CNTN4: variants seen among roughly 807,000 people sequenced by gnomAD.
CNTN4 encodes contactin-4.
A neutral mutation model predicts 122.5 loss-of-function variants in CNTN4; 77 were observed. The observed-to-expected ratio is 0.63, with a 90% CI of 0.52 to 0.76. The LOEUF (loss-of-function observed/expected upper bound fraction) is 0.76. Among genes scored for constraint, CNTN4 ranks in the 30% least tolerant of loss-of-function variants. The pLI, the probability that CNTN4 is intolerant of heterozygous loss-of-function variation, is 0.00. For missense variants in CNTN4, 1,256 were observed against 1,259.1 expected (o/e 1.00, Z 0.04); for synonymous variants, 512 against 447.0 (o/e 1.15, Z -1.83).
At chr3:2,594,416 C>CTT (rs36010353) in intron 4 of CNTN4, among the ~76,000 whole-genome samples, 2 of 103,576 alleles carry the variant, frequency 1.9e-5, no homozygotes, top group African/African-American at 3.5e-5. Flanking sequence ...TAAAATGGAT[C>CTT]TTTTTTTTTT....
At chr3:2,822,979 T>C (rs1429068289) in intron 7 of CNTN4, among the ~76,000 whole-genome samples, 1 of 152,190 alleles carries the variant, frequency 6.6e-6, no homozygotes, top group Non-Finnish European at 1.5e-5. Flanking sequence ...AAGAAATTTT[T>C]GAGAAAAGAA....
At chr3:2,388,142 C>T (rs1232521044) in intron 3 of CNTN4, among the ~76,000 whole-genome samples, 1 of 152,104 alleles carries the variant, frequency 6.6e-6, no homozygotes, top group Non-Finnish European at 1.5e-5. Context: ...GCAGAAGGTC[C>T]TTCAAGTGGG....
intron 3 of CNTN4, among the ~76,000 whole-genome samples, chr3:2,350,523 C>T (rs1190081176): frequency 6.6e-6 from 1 of 151,956 alleles, no homozygotes; most frequent in Non-Finnish European, 1.5e-5. Flanking sequence ...CTGTAAAGTG[C>T]TCTGTACTAG....
chr3:2,554,160 G>A (rs772435405), intron 3 of CNTN4, among the ~76,000 whole-genome samples: 5 of 152,084 alleles, frequency 3.3e-5, no homozygotes, highest in African/African-American at 9.7e-5. Context: ...TCAAGTGAGC[G>A]AATAAAAATT....
chr3:3,016,378 A>G (rs954707276), intron 14 of CNTN4, among the ~76,000 whole-genome samples: 1 of 152,150 alleles, frequency 6.6e-6, no homozygotes. Flanking sequence ...CATAGTGGGA[A>G]GCTTAGGCAC....
At chr3:2,171,511 G>T (rs1312469308) in intron 2 of CNTN4, among the ~76,000 whole-genome samples, 1 of 152,142 alleles carries the variant, frequency 6.6e-6, no homozygotes, top group East Asian at 1.9e-4. Flanking sequence ...TGAAATATTT[G>T]AATGGTGAAC....
chr3:2,782,003 AT>A (rs1334262809), intron 6 of CNTN4, among the ~76,000 whole-genome samples: 1 of 151,848 alleles, frequency 6.6e-6, no homozygotes, highest in Non-Finnish European at 1.5e-5. Context: ...GATTACAGGC[AT>A]GAGCCACCGG....
chr3:2,281,236 G>T (rs1364462831), intron 2 of CNTN4, among the ~76,000 whole-genome samples: 1 of 152,090 alleles, frequency 6.6e-6, no homozygotes, highest in East Asian at 1.9e-4. Context: ...CTCAGGATCT[G>T]AAGTCAGACA....
intron 4 of CNTN4, among the ~76,000 whole-genome samples, chr3:2,649,799 C>A (rs76588911): frequency 0.21 from 31,776 of 151,554 alleles, 3,362 homozygotes; most frequent in Admixed American, 0.27. Flanking sequence ...TAAATTGAAA[C>A]TCTTCTAGAA....
chr3:2,256,407 T>C (rs879129337), intron 2 of CNTN4, among the ~76,000 whole-genome samples: 2 of 151,974 alleles, frequency 1.3e-5, no homozygotes, highest in East Asian at 1.9e-4. Context: ...TTCCAAACAA[T>C]AGAAAAAGAG....
At chr3:2,983,366 C>T (rs941193896) in intron 13 of CNTN4, among the ~76,000 whole-genome samples, 3 of 151,268 alleles carry the variant, frequency 2.0e-5, no homozygotes, top group African/African-American at 7.3e-5. Flanking sequence ...CTTTGTGAGG[C>T]ATCATAATGT....
rs150504791 is a variant in CNTN4, at chr3:2,952,879, C to T, written c.1358+27100C>T. Among the ~76,000 whole-genome samples, 705 of 152,212 alleles carry T rather than the reference C, an allele frequency of 4.6e-3. 2 individuals are homozygous for T. The highest frequency in any genetic ancestry group is 5.6e-3 in the Non-Finnish European group (383 of 68,016). On this transcript the variant is annotated intron_variant, in intron 13 of 24. Coordinates refer to ENST00000418658, the MANE Select transcript of CNTN4 (RefSeq NM_175607.3). ...TTCACCAACATGGTTATAGCAACAG[C>T]GAGGATTTGTTGAGTGAGTGCCTAA...
intron 4 of CNTN4, among the ~76,000 whole-genome samples, chr3:2,713,290 A>G (rs757296128): frequency 2.6e-5 from 4 of 152,160 alleles, no homozygotes; most frequent in Admixed American, 6.6e-5. Context: ...ACGCACACAC[A>G]TTTGGTCACA....
intron 6 of CNTN4, among the ~76,000 whole-genome samples, chr3:2,810,895 A>C (rs1272683126): frequency 2.6e-5 from 4 of 152,170 alleles, no homozygotes; most frequent in Admixed American, 6.5e-5. Context: ...TTGGAGAGAG[A>C]ACACTGTGAG....
At chr3:2,932,205 C>G (rs556967104) in intron 13 of CNTN4, among the ~76,000 whole-genome samples, 17 of 151,968 alleles carry the variant, frequency 1.1e-4, no homozygotes, top group South Asian at 4.2e-4. Flanking sequence ...GTGAAACCCT[C>G]TCTTTACTAA....
At chr3:2,360,167 G>A (rs1047629504) in intron 3 of CNTN4, among the ~76,000 whole-genome samples, 2 of 152,190 alleles carry the variant, frequency 1.3e-5, no homozygotes, top group Non-Finnish European at 2.9e-5. Context: ...CACAGGAGAG[G>A]TGACATTGGA....
intron 3 of CNTN4, among the ~76,000 whole-genome samples, chr3:2,393,978 G>GT (rs1296517206): frequency 6.6e-6 from 1 of 151,958 alleles, no homozygotes; most frequent in Non-Finnish European, 1.5e-5. Context: ...AGTAATTGTG[G>GT]TTTTTACTAT....
chr3:2,913,647 A>C (rs966199267), intron 12 of CNTN4, among the ~76,000 whole-genome samples: 1 of 152,240 alleles, frequency 6.6e-6, no homozygotes, highest in Non-Finnish European at 1.5e-5. Flanking sequence ...CTAATATTAG[A>C]ACTTCCAAGT....
At chr3:2,562,550 G>A (rs1474700832) in intron 3 of CNTN4, among the ~76,000 whole-genome samples, 1 of 152,106 alleles carries the variant, frequency 6.6e-6, no homozygotes, top group Non-Finnish European at 1.5e-5. Context: ...TTCCTGCAAA[G>A]AACATCATTT....
Sources: gnomAD v4.1 joint callset for allele counts (sites outside exome capture counted in the v4.1 genomes callset) on GRCh38, gnomAD v4.1.1 for gene constraint, MANE v1.5 for transcripts, NCBI Gene and HGNC (gene_info 2026-07-23, HGNC 2026-07-21) for gene names.